The following DNAH7 variants were observed in gnomAD, a reference collection of about 807,000 sequenced individuals.
DNAH7 encodes the protein axonemal beta dynein heavy chain 7.
A neutral mutation model predicts 444.6 loss-of-function variants in DNAH7; 397 were observed. The observed-to-expected ratio is 0.89, with a 90% CI of 0.82 to 0.97. The LOEUF (loss-of-function observed/expected upper bound fraction) is 0.97. Ranked by LOEUF, DNAH7 falls within the 50% of genes least tolerant of loss-of-function variation. The pLI is 0.00. For synonymous variants in DNAH7, 1,636 were observed against 1,624.4 expected, an observed-to-expected ratio of 1.01 and a Z score of -0.17; for missense variants, 4,902 against 4,800.8, an observed-to-expected ratio of 1.02 and a Z score of -0.62.
At chr2:195,999,029 A>G (rs1401987147) in intron 12 of DNAH7, 1 of 698,088 alleles carries the variant, frequency 1.4e-6, no homozygotes, top group Non-Finnish European at 2.7e-6. Context: ...GTTTCCGGCA[A>G]GGTGGATGCA....
At chr2:195,999,294 G>C in intron 12 of DNAH7, 1 of 700,762 alleles carries the variant, frequency 1.4e-6, no homozygotes, top group Non-Finnish European at 2.6e-6. Flanking sequence ...GTAACCACAA[G>C]TCTATTTTCA....
chr2:195,754,636 A>C (rs1693982947), intron 62 of DNAH7, 122 bp from the exon 63 acceptor site: 1 of 928,256 alleles, frequency 1.1e-6, no homozygotes, highest in East Asian at 2.7e-5. Flanking sequence ...TCAGCCTCCC[A>C]AGTAGCTGGG....
At chr2:195,916,939 C>CA (rs1687719347) in intron 24 of DNAH7, among the ~76,000 whole-genome samples, 2 of 150,544 alleles carry the variant, frequency 1.3e-5, no homozygotes, top group Admixed American at 1.3e-4. Context: ...CTCTACTAAA[C>CA]AAAATACAAA....
At position 195,987,950 on chromosome 2, in the gene DNAH7, C is replaced by T. The variant is rs555479166; in HGVS notation, c.1626+7G>A. 1.3e-6 allele frequency: 2 copies of T among 1,590,138 alleles called. No homozygotes were observed. The highest frequency in any genetic ancestry group is 1.1e-5 in the South Asian group (1 of 87,128). ...GATAACAGTTGCACAAAACTGGAGTCATTTACCTTTATGGATGTGTACTGT... is the reference window on the plus strand; with the variant it reads ...GATAACAGTTGCACAAAACTGGAGTTATTTACCTTTATGGATGTGTACTGT... On this transcript the variant is annotated splice_region_variant and intron_variant, in intron 13 of 64. Transcript: ENST00000312428.
chr2:195,781,996 CACACACACACACACACACACAG>C (rs1261200005), intron 58 of DNAH7, among the ~76,000 whole-genome samples: 1 of 149,678 alleles, frequency 6.7e-6, no homozygotes, highest in African/African-American at 2.5e-5. Context: ...CACACACACA[CACACACACACACACACACACAG>C]ACACACCCCT....
chr2:195,823,251 C>T (rs1697557239), intron 49 of DNAH7, among the ~76,000 whole-genome samples: 1 of 152,132 alleles, frequency 6.6e-6, no homozygotes, highest in South Asian at 2.1e-4. Context: ...GTTCAAGGGT[C>T]ACTCCATTTT....
chr2:195,770,636 A>G (rs902612286), intron 61 of DNAH7, among the ~76,000 whole-genome samples: 5 of 152,086 alleles, frequency 3.3e-5, no homozygotes, highest in African/African-American at 4.8e-5. Flanking sequence ...GACCCAACCT[A>G]AGAGAGCTTC....
chr2:195,797,872 T>A (rs1696238918), intron 55 of DNAH7, among the ~76,000 whole-genome samples: 1 of 152,180 alleles, frequency 6.6e-6, no homozygotes, highest in Admixed American at 6.5e-5. Context: ...CCTTCACACA[T>A]CTCAGACCTC....
intron 12 of DNAH7, chr2:195,999,005 C>T: frequency 1.5e-6 from 1 of 670,692 alleles, no homozygotes; most frequent in Non-Finnish European, 2.8e-6. Context: ...GTGGTCTAAG[C>T]TTTGCTTTAA....
chr2:195,840,832 T>C (rs1213884037), intron 47 of DNAH7, among the ~76,000 whole-genome samples: 1 of 151,850 alleles, frequency 6.6e-6, no homozygotes, highest in Non-Finnish European at 1.5e-5. Context: ...TGTGTTCATA[T>C]AGTAGAAATA....
At chr2:195,840,580 A>G (rs1259090205) in intron 47 of DNAH7, among the ~76,000 whole-genome samples, 2 of 151,838 alleles carry the variant, frequency 1.3e-5, no homozygotes, top group African/African-American at 2.4e-5. Context: ...TGCAAACAGC[A>G]TGATTGTCTA....
rs372686301 is a variant in DNAH7 at position 195,886,556 on chromosome 2, TATAA to T, written c.5407-288_5407-285del. ...TATGGATTCCATGGTATACTAATTT[TATAA>T]ATAAAAACACTAAAAAAATTTCAGA... On this transcript the variant is annotated intron_variant, in intron 33 of 64. Transcript: ENST00000312428. 8.5e-4 allele frequency among the ~76,000 whole-genome samples: 129 copies of T among 152,294 alleles called. 1 individual carries two copies. The highest frequency in any genetic ancestry group is 2.9e-3 in the African/African-American group (120 of 41,562).
chr2:195,993,069 C>T (rs1693455284), intron 12 of DNAH7, among the ~76,000 whole-genome samples: 1 of 152,202 alleles, frequency 6.6e-6, no homozygotes, highest in South Asian at 2.1e-4. Context: ...TCTCCGAGTG[C>T]AGCGTTAACA....
chr2:195,875,993 C>T (rs1701031699), intron 37 of DNAH7, 150 bp from the exon 38 acceptor site: 1 of 676,332 alleles, frequency 1.5e-6, no homozygotes, highest in Non-Finnish European at 2.3e-6. Flanking sequence ...AGGATAATAT[C>T]CTTAGCTTCC....
Position 195,894,960 on chromosome 2 carries a change from TTAA to T in DNAH7, c.4896+13_4896+15del. The stretch of plus-strand genomic sequence containing the variant: ...AGTCAATTATAAATAAATTAATGCA[TTAA>T]TAATATACTTGCCTTTTCACATATA... On this transcript the variant is annotated intron_variant, in intron 30 of 64. Transcript: ENST00000312428. 1 of 1,573,798 alleles carries T rather than the reference TTAA, an allele frequency of 6.4e-7. No homozygotes were observed. The highest frequency in any genetic ancestry group is 8.6e-7 in the Non-Finnish European group (1 of 1,156,734).
chr2:195,984,400 T>C (rs1283472715), intron 15 of DNAH7, among the ~76,000 whole-genome samples: 1 of 152,154 alleles, frequency 6.6e-6, no homozygotes, highest in African/African-American at 2.4e-5. Context: ...CAGGCTGGAG[T>C]GCAGTGGCGC....
chr2:195,772,826 G>A (rs1322993073), intron 60 of DNAH7, among the ~76,000 whole-genome samples: 3 of 149,790 alleles, frequency 2.0e-5, no homozygotes, highest in Middle Eastern at 3.4e-3. Flanking sequence ...TGTTGCCCAG[G>A]CTGGAGTGCC....
intron 46 of DNAH7, among the ~76,000 whole-genome samples, chr2:195,846,016 A>ATT (rs1261058617): frequency 6.6e-6 from 1 of 152,254 alleles, no homozygotes; most frequent in East Asian, 1.9e-4. Flanking sequence ...GTGGGACCTA[A>ATT]TTAAACTAAA....
Position 196,026,882 on chromosome 2 carries a change from T to A in DNAH7, c.545A>T (p.Asp182Val). The A allele has an allele frequency of 6.2e-7, 1 of 1,612,548 alleles. No homozygotes were observed. Among genetic ancestry groups the A allele is most frequent in the Non-Finnish European group, 8.5e-7 (1 of 1,178,868 alleles). Residue 182 changes from aspartate (D) to valine (V), a missense_variant, in exon 7 of 65, where the codon GAT (aspartate) becomes GTT (valine). Physicochemically the swap from Asp to Val is radical, Grantham distance 152 (BLOSUM62 -3). Transcript: ENST00000312428. ...IDTDHVAPME[D>V]SWLEHVLDLV... ...ATCCAGTACGTGTTCTAGCCAAGAA[T>A]CTTCCATTGGGGCTACATGGTCTGT...
Sources: allele counts gnomAD v4.1 joint callset (sites outside exome capture counted in the v4.1 genomes callset), GRCh38; gene constraint gnomAD v4.1.1; transcripts MANE v1.5; gene names NCBI Gene and HGNC (gene_info 2026-07-23, HGNC 2026-07-21).